The following DLGAP2 variants were observed in gnomAD, a reference collection of about 807,000 sequenced individuals.
DLGAP2 encodes DLG associated protein 2.
Under a neutral mutation model 100.3 loss-of-function variants are expected in DLGAP2, and 26 were observed. The ratio of observed to expected loss-of-function variants is 0.26; its 90% CI spans 0.19 to 0.36. The LOEUF is 0.36. DLGAP2 is among the 10% of genes least tolerant of loss of function. DLGAP2 has a pLI of 1.00. For missense variants in DLGAP2, 1,858 were observed against 1,453.2 expected (o/e 1.28, Z -4.53); for synonymous variants, 886 against 630.1 (o/e 1.41, Z -6.08).
chr8:757,658 G>A (rs946755954), intron 1 of DLGAP2, among the ~76,000 whole-genome samples: 4 of 152,196 alleles, frequency 2.6e-5, no homozygotes, highest in African/African-American at 4.8e-5. Flanking sequence ...GGTTGGGATC[G>A]TACGGGACCA....
intron 2 of DLGAP2, among the ~76,000 whole-genome samples, chr8:965,780 A>C (rs138114242): frequency 0.017 from 2,405 of 142,840 alleles, 43 homozygotes; most frequent in South Asian, 0.093. Flanking sequence ...TGCACACGGC[A>C]CTGTTCACCA....
rs116167112 is a variant in DLGAP2 at position 1,175,577 on chromosome 8, G to C, written c.74-83274G>C. Among the ~76,000 whole-genome samples, 1,060 of 152,290 alleles carry C rather than the reference G, an allele frequency of 7.0e-3. 14 individuals are homozygous for C. Among genetic ancestry groups the C allele is most frequent in the African/African-American group, 0.024 (985 of 41,546 alleles). The stretch of plus-strand genomic sequence containing the variant: ...TCTAGCTCTATATGCGACTCCATTA[G>C]GACAGTAGGAACATGACTAAATGCC... On this transcript the variant is annotated intron_variant, in intron 2 of 14. Coordinates refer to ENST00000637795, the MANE Select transcript of DLGAP2 (RefSeq NM_001346810.2).
At chr8:1,369,404 A>G (rs1298588909) in intron 3 of DLGAP2, 1 of 151,910 alleles carries the variant, frequency 6.6e-6, no homozygotes, top group Non-Finnish European at 1.5e-5. Context: ...TCCTGTAAGG[A>G]CCCCAGTCCT....
intron 1 of DLGAP2, among the ~76,000 whole-genome samples, chr8:766,487 C>T (rs533401661): frequency 6.6e-6 from 1 of 152,326 alleles, no homozygotes; most frequent in East Asian, 1.9e-4. Flanking sequence ...CAAATTAGTG[C>T]AGCAAATATA....
intron 3 of DLGAP2, among the ~76,000 whole-genome samples, chr8:1,267,623 T>TAAAATAAAATAAAATA (rs57138660): frequency 3.9e-5 from 3 of 76,626 alleles, no homozygotes; most frequent in African/African-American, 1.3e-4. Context: ...TAAGATAAGA[T>TAAAATAAAATAAAATA]AAATATTAAA....
intron 1 of DLGAP2, among the ~76,000 whole-genome samples, chr8:838,959 G>C (rs1351072301): frequency 2.0e-5 from 3 of 152,148 alleles, no homozygotes; most frequent in Non-Finnish European, 4.4e-5. Flanking sequence ...ACAGTGATTA[G>C]ATGCTCAAAA....
intron 2 of DLGAP2, among the ~76,000 whole-genome samples, chr8:1,190,578 C>T (rs981020374): frequency 1.3e-5 from 2 of 152,168 alleles, no homozygotes; most frequent in African/African-American, 4.8e-5. Flanking sequence ...GCACTGCGAG[C>T]CGCCTGTCGC....
chr8:1,244,033 G>A (rs1443374278), intron 2 of DLGAP2, among the ~76,000 whole-genome samples: 1 of 151,998 alleles, frequency 6.6e-6, no homozygotes, highest in Non-Finnish European at 1.5e-5. Context: ...GGGATGGTGA[G>A]TGCCAGCTCC....
At chr8:1,551,471 C>G (rs1801764190) in intron 5 of DLGAP2, among the ~76,000 whole-genome samples, 1 of 152,160 alleles carries the variant, frequency 6.6e-6, no homozygotes, top group South Asian at 2.1e-4. Flanking sequence ...CCAGCTGCGC[C>G]TTCTCCACAG....
At chr8:1,373,320 G>T (rs1386372942) in intron 3 of DLGAP2, among the ~76,000 whole-genome samples, 3 of 151,786 alleles carry the variant, frequency 2.0e-5, no homozygotes, top group African/African-American at 4.8e-5. Flanking sequence ...GGCAGCTGAC[G>T]GGCGGGCCCT....
At chr8:751,637 T>C (rs1820792553) in intron 1 of DLGAP2, among the ~76,000 whole-genome samples, 2 of 151,960 alleles carry the variant, frequency 1.3e-5, no homozygotes, top group Non-Finnish European at 2.9e-5. Context: ...TATAGGAAGT[T>C]CATCTGACAC....
intron 1 of DLGAP2, among the ~76,000 whole-genome samples, chr8:862,662 A>C (rs1336949669): frequency 6.6e-6 from 1 of 152,118 alleles, no homozygotes; most frequent in African/African-American, 2.4e-5. Context: ...CCATAGCCTC[A>C]GTTTTCTCAC....
At chr8:1,006,808 C>T (rs1199255127) in intron 2 of DLGAP2, among the ~76,000 whole-genome samples, 2 of 42,338 alleles carry the variant, frequency 4.7e-5, no homozygotes, top group Non-Finnish European at 8.8e-5. Flanking sequence ...TCCTTTATCA[C>T]GTCGGGGGCG....
At chr8:1,687,829 A>T (rs1430974173) in intron 12 of DLGAP2, among the ~76,000 whole-genome samples, 1 of 152,238 alleles carries the variant, frequency 6.6e-6, no homozygotes, top group South Asian at 2.1e-4. Flanking sequence ...AGAGTTGGCA[A>T]AATAAATTCA....
At chr8:892,108 G>T (rs905481613) in intron 1 of DLGAP2, among the ~76,000 whole-genome samples, 1 of 152,260 alleles carries the variant, frequency 6.6e-6, no homozygotes, top group Non-Finnish European at 1.5e-5. Context: ...TGCTGGGAAT[G>T]GAAGATGGGG....
chr8:1,386,298 A>G (rs1010985166), intron 3 of DLGAP2, among the ~76,000 whole-genome samples: 1 of 152,214 alleles, frequency 6.6e-6, no homozygotes, highest in Non-Finnish European at 1.5e-5. Flanking sequence ...CGGTGAGATT[A>G]TAGATGGCAG....
chr8:1,280,768 G>C (rs1230085996), intron 3 of DLGAP2, among the ~76,000 whole-genome samples: 2 of 152,336 alleles, frequency 1.3e-5, no homozygotes, highest in East Asian at 3.9e-4. Flanking sequence ...TTGGGGGTCA[G>C]GTTGCCATGC....
intron 2 of DLGAP2, among the ~76,000 whole-genome samples, chr8:988,879 C>A (rs778915558): frequency 6.6e-6 from 1 of 152,186 alleles, no homozygotes; most frequent in Admixed American, 6.5e-5. Flanking sequence ...TGCATGAGAG[C>A]CCCTGGAGTT....
intron 3 of DLGAP2, among the ~76,000 whole-genome samples, chr8:1,317,315 G>A (rs1159225555): frequency 1.5e-5 from 2 of 135,880 alleles, no homozygotes; most frequent in African/African-American, 5.7e-5. Flanking sequence ...TAAAAATAGA[G>A]GCTGTGCGAG....
Sources: allele counts gnomAD v4.1 joint callset (sites outside exome capture counted in the v4.1 genomes callset), GRCh38; gene constraint gnomAD v4.1.1; transcripts MANE v1.5; gene names NCBI Gene and HGNC (gene_info 2026-07-23, HGNC 2026-07-21).